XRCC5: variants seen among roughly 807,000 people sequenced by gnomAD.
The protein encoded by XRCC5 is DNA repair protein Ku80.
A neutral mutation model predicts 95.7 loss-of-function variants in XRCC5; 12 were observed. That is an observed-to-expected ratio of 0.13 (90% CI 0.08 to 0.20). XRCC5 has a LOEUF of 0.20. Ranked by LOEUF, XRCC5 falls within the 10% of genes least tolerant of loss-of-function variation. The pLI is 1.00. For synonymous variants in XRCC5, 281 were observed against 290.3 expected, an observed-to-expected ratio of 0.97 and a Z score of 0.33; for missense variants, 595 against 873.9, an observed-to-expected ratio of 0.68 and a Z score of 4.02.
intron 12 of XRCC5, among the ~76,000 whole-genome samples, chr2:216,138,969 A>T (rs948834965): frequency 6.6e-6 from 1 of 152,116 alleles, no homozygotes. Context: ...TGTGCTATAG[A>T]AAGGCCAAGA....
At chr2:216,194,142 ATG>A (rs1689672518) in intron 18 of XRCC5, among the ~76,000 whole-genome samples, 1 of 152,254 alleles carries the variant, frequency 6.6e-6, no homozygotes, top group Admixed American at 6.5e-5. Context: ...AGCTTCTGCT[ATG>A]TTCTACAGTA....
intron 7 of XRCC5, among the ~76,000 whole-genome samples, chr2:216,127,038 G>A (rs1696910306): frequency 6.6e-6 from 1 of 151,918 alleles, no homozygotes; most frequent in African/African-American, 2.4e-5. Context: ...GATCACTTTA[G>A]GCCAGGAGTT....
intron 19 of XRCC5, 101 bp from the exon 20 acceptor site, chr2:216,204,221 A>G (rs1225248879): frequency 2.2e-6 from 3 of 1,346,870 alleles, no homozygotes; most frequent in Non-Finnish European, 3.2e-6. Context: ...ACTGCTAAGC[A>G]GGCTGCCTTA....
intron 16 of XRCC5, chr2:216,175,268 C>G (rs1689251579): frequency 2.3e-6 from 1 of 427,450 alleles, no homozygotes; most frequent in Non-Finnish European, 4.5e-6. Context: ...ATAACCACCT[C>G]TGCTGCCACC....
Position 216,190,082 on chromosome 2 carries a change from C to CT in XRCC5, c.1835-142dup. 7.2e-6 allele frequency: 4 copies of CT among 552,768 alleles called. No homozygotes were observed. The East Asian group carries it at 1.2e-4, about 17-fold the overall frequency. 34.2% of individuals were successfully genotyped at this position (552,768 alleles called of 1,614,324 possible). On this transcript the variant is annotated intron_variant, in intron 16 of 20. Transcript: ENST00000392132. ...GAAATCAGAATTTTGCATCTCATCT[C>CT]TCCCCTAAAAGAAGTATGGCAATTG...
intron 6 of XRCC5, among the ~76,000 whole-genome samples, chr2:216,124,245 G>T (rs917508534): frequency 1.3e-5 from 2 of 152,134 alleles, no homozygotes; most frequent in Admixed American, 6.5e-5. Context: ...AACTGAGTCA[G>T]TTGTTCTTAG....
chr2:216,195,767 T>G (rs906192634), intron 19 of XRCC5, among the ~76,000 whole-genome samples: 20 of 152,312 alleles, frequency 1.3e-4, no homozygotes, highest in African/African-American at 4.8e-4. Context: ...TGATGAAATT[T>G]TAATGAATTA....
chr2:216,193,627 T>G (rs41296753), intron 18 of XRCC5, among the ~76,000 whole-genome samples: 26,857 of 152,174 alleles, frequency 0.18, 3,049 homozygotes, highest in African/African-American at 0.33. Context: ...GGGGGCTTAC[T>G]CAAATCACTT....
At chr2:216,204,275 G>A (rs991957424) in intron 19 of XRCC5, 47 bp from the exon 20 acceptor site, 3 of 1,610,656 alleles carry the variant, frequency 1.9e-6, no homozygotes, top group African/African-American at 2.7e-5. Flanking sequence ...CTCTTTCAAA[G>A]GGGCAAAAAT....
intron 4 of XRCC5, among the ~76,000 whole-genome samples, chr2:216,118,239 A>G (rs1696738900): frequency 6.6e-6 from 1 of 151,110 alleles, no homozygotes; most frequent in African/African-American, 2.4e-5. Flanking sequence ...TGGTGCCAAT[A>G]TAGCTCACAG....
At chr2:216,185,636 G>T (rs1176438816) in intron 16 of XRCC5, among the ~76,000 whole-genome samples, 1 of 151,038 alleles carries the variant, frequency 6.6e-6, no homozygotes, top group African/African-American at 2.4e-5. Flanking sequence ...TTATAAAGAT[G>T]CAATTGTCAT....
At chr2:216,191,353 G>A (rs1471733497) in intron 17 of XRCC5, among the ~76,000 whole-genome samples, 2 of 151,594 alleles carry the variant, frequency 1.3e-5, no homozygotes, top group African/African-American at 2.4e-5. Context: ...AAGAGAAGCA[G>A]AAGAGACTTC....
intron 17 of XRCC5, 81 bp downstream of exon 17, chr2:216,190,415 T>G: frequency 7.9e-7 from 1 of 1,262,234 alleles, no homozygotes; most frequent in South Asian, 1.3e-5. Flanking sequence ...ATCCTGGAAA[T>G]GAGTCTGGGC....
chr2:216,203,578 C>G (rs1163214894), intron 19 of XRCC5, among the ~76,000 whole-genome samples: 2 of 152,220 alleles, frequency 1.3e-5, no homozygotes. Context: ...ATTCCTAGAT[C>G]CTCACAGACT....
chr2:216,151,044 G>A (rs555924624), intron 14 of XRCC5, among the ~76,000 whole-genome samples: 6 of 152,134 alleles, frequency 3.9e-5, no homozygotes, highest in Admixed American at 3.9e-4. Flanking sequence ...ACGTCATTCC[G>A]TGGCCCAGGA....
intron 10 of XRCC5, among the ~76,000 whole-genome samples, chr2:216,135,193 T>C (rs979194088): frequency 6.6e-6 from 1 of 152,130 alleles, no homozygotes; most frequent in African/African-American, 2.4e-5. Context: ...GTGAGAGAAG[T>C]ACATAGTGTT....
chr2:216,155,818 G>A (rs1688831692), intron 14 of XRCC5, among the ~76,000 whole-genome samples: 1 of 152,156 alleles, frequency 6.6e-6, no homozygotes. Flanking sequence ...ATATCGGTGG[G>A]TACAAGAGGG....
intron 16 of XRCC5, among the ~76,000 whole-genome samples, chr2:216,187,821 A>ACC (rs1312215177): frequency 2.1e-5 from 1 of 47,950 alleles, no homozygotes; most frequent in Non-Finnish European, 3.6e-5. Context: ...ACACACACAC[A>ACC]CTCTCTCTCT....
Position 216,189,340 on chromosome 2 carries a change from G to C in XRCC5, c.1835-885G>C, listed in dbSNP as rs553792269. Among the ~76,000 whole-genome samples, 4 of 152,334 alleles carry C rather than the reference G, an allele frequency of 2.6e-5. No individual in the cohort carries two copies. In the South Asian group the frequency reaches 8.3e-4, roughly 32 times the overall value. On this transcript the variant is annotated intron_variant, in intron 16 of 20. Coordinates refer to ENST00000392132, the MANE Select transcript of XRCC5 (RefSeq NM_021141.4). Reference sequence around the variant, plus strand: ...TGGTTTCAGGGGACAAGGGAGAGGAGCCTTTAGGCATGATTACCCACATCT... The same window carrying C: ...TGGTTTCAGGGGACAAGGGAGAGGACCCTTTAGGCATGATTACCCACATCT...
Sources: gnomAD v4.1 joint callset for allele counts (sites outside exome capture counted in the v4.1 genomes callset) on GRCh38, gnomAD v4.1.1 for gene constraint, MANE v1.5 for transcripts, NCBI Gene and HGNC (gene_info 2026-07-23, HGNC 2026-07-21) for gene names.